The following SDK1 variants were observed in gnomAD, a reference collection of about 807,000 sequenced individuals.
The protein encoded by SDK1 is sidekick cell adhesion molecule 1.
A neutral mutation model predicts 245.5 loss-of-function variants in SDK1; 157 were observed. That is an observed-to-expected ratio of 0.64 (90% CI 0.56 to 0.73). SDK1 has a LOEUF of 0.73. Ranked by LOEUF, SDK1 falls within the 30% of genes least tolerant of loss-of-function variation. The pLI is 0.00. For missense variants in SDK1, 3,583 were observed against 3,002.3 expected (o/e 1.19, Z -4.52); for synonymous variants, 1,647 against 1,278.5 (o/e 1.29, Z -6.15).
chr7:3,345,001 A>G (rs1256749766), intron 1 of SDK1, among the ~76,000 whole-genome samples: 2 of 152,200 alleles, frequency 1.3e-5, no homozygotes, highest in African/African-American at 4.8e-5. Context: ...AATAGTACCC[A>G]TCTGATTATG....
At chr7:3,982,472 A>G (rs1257387224) in intron 13 of SDK1, among the ~76,000 whole-genome samples, 1 of 152,208 alleles carries the variant, frequency 6.6e-6, no homozygotes, top group Non-Finnish European at 1.5e-5. Context: ...GCCATGGATG[A>G]TAATTCCTCT....
At chr7:3,815,607 A>G (rs1175016062) in intron 4 of SDK1, among the ~76,000 whole-genome samples, 1 of 149,470 alleles carries the variant, frequency 6.7e-6, no homozygotes, top group Non-Finnish European at 1.5e-5. Flanking sequence ...CGGCTTTGGT[A>G]TCAGAATGAT....
intron 14 of SDK1, among the ~76,000 whole-genome samples, chr7:4,009,602 T>C (rs1785774730): frequency 6.6e-6 from 1 of 152,250 alleles, no homozygotes; most frequent in African/African-American, 2.4e-5. Context: ...AACGCTGAAA[T>C]GCCCAGCTGG....
rs1562539 is a variant in SDK1 at position 4,268,441 on chromosome 7, A to C, written c.*3057A>C. ...CAGCCTCGCCTTCAGCCTCTCTCCC[A>C]GCCTGCTTTTATAAGGCGCACTTCA... is the stretch of plus-strand genomic sequence containing the variant. On this transcript the variant is annotated 3_prime_UTR_variant, in exon 45 of 45. Coordinates refer to ENST00000404826, the MANE Select transcript of SDK1 (RefSeq NM_152744.4). The C allele has an allele frequency of 8.0e-6, 9 of 1,130,138 alleles. 1 individual carries two copies. In the South Asian group the frequency reaches 1.7e-4, roughly 21 times the overall value. 70.0% of individuals were successfully genotyped at this position (1,130,138 alleles called of 1,614,324 possible).
intron 5 of SDK1, among the ~76,000 whole-genome samples, chr7:3,827,170 A>T (rs7795259): frequency 1.8e-5 from 2 of 109,990 alleles, no homozygotes; most frequent in Non-Finnish European, 4.0e-5. Context: ...TTGAACACAT[A>T]TGGGGGAAGC....
At chr7:4,141,929 G>A (rs1233103608) in intron 28 of SDK1, among the ~76,000 whole-genome samples, 1 of 152,134 alleles carries the variant, frequency 6.6e-6, no homozygotes, top group Admixed American at 6.5e-5. Flanking sequence ...GCTAATTTTT[G>A]TATTTTTAGT....
Position 4,265,658 on chromosome 7 carries a change from T to G in SDK1, c.*274T>G. 8.1e-7 allele frequency: 1 copy of G among 1,231,282 alleles called. No individual in the cohort carries two copies. The highest frequency in any genetic ancestry group is 1.0e-6 in the Non-Finnish European group (1 of 989,628). The allele number at this position is 1,231,282 out of a possible 1,614,324, so 76.3% of individuals were successfully genotyped here. A position where few individuals can be genotyped will look rare whatever the true frequency, so the allele number is the denominator to read the frequency against. ...TTCACTGGTGCAATGGCTTGGCACCTCCGGGGCCTGGGAGGACCTCAGACC... is the reference window on the plus strand; with the variant it reads ...TTCACTGGTGCAATGGCTTGGCACCGCCGGGGCCTGGGAGGACCTCAGACC... On this transcript the variant is annotated 3_prime_UTR_variant, in exon 45 of 45. Transcript: ENST00000404826.
At chr7:3,680,978 G>C (rs1261553653) in intron 4 of SDK1, among the ~76,000 whole-genome samples, 2 of 152,114 alleles carry the variant, frequency 1.3e-5, no homozygotes, top group African/African-American at 4.8e-5. Context: ...GAGTAGCTGG[G>C]ACTACAGGTG....
intron 1 of SDK1, among the ~76,000 whole-genome samples, chr7:3,351,845 G>T (rs79437600): frequency 6.6e-6 from 1 of 152,100 alleles, no homozygotes; most frequent in Non-Finnish European, 1.5e-5. Context: ...GAAATCTTAG[G>T]ATATGGAAGA....
intron 1 of SDK1, among the ~76,000 whole-genome samples, chr7:3,376,102 T>C (rs1781349039): frequency 6.6e-6 from 1 of 151,870 alleles, no homozygotes; most frequent in African/African-American, 2.4e-5. Flanking sequence ...GAGGCTGAGG[T>C]AGGAGGATTG....
rs138263098 is a variant in SDK1 at position 3,683,914 on chromosome 7, G to A, written c.713+41809G>A. Reference sequence around the variant, plus strand: ...ATTGTGGCCTAGTAACAAAAAATGTGTTGGCCACTCCTGTCCCAATGCAGC... The same window carrying A: ...ATTGTGGCCTAGTAACAAAAAATGTATTGGCCACTCCTGTCCCAATGCAGC... On this transcript the variant is annotated intron_variant, in intron 4 of 44. Coordinates refer to ENST00000404826, the MANE Select transcript of SDK1 (RefSeq NM_152744.4). 4.0e-3 allele frequency among the ~76,000 whole-genome samples: 602 copies of A among 152,324 alleles called. 2 individuals carry two copies. The highest frequency in any genetic ancestry group is 0.013 in the African/African-American group (560 of 41,570).
chr7:3,415,746 A>T (rs1489741723), intron 1 of SDK1, among the ~76,000 whole-genome samples: 2 of 150,962 alleles, frequency 1.3e-5, no homozygotes, highest in Non-Finnish European at 2.9e-5. Context: ...TTCATATACA[A>T]ATCATTTCTG....
At chr7:3,385,049 A>C (rs1329015022) in intron 1 of SDK1, among the ~76,000 whole-genome samples, 2 of 152,144 alleles carry the variant, frequency 1.3e-5, no homozygotes, top group Non-Finnish European at 2.9e-5. Context: ...CATCAAACAC[A>C]AACAGTTTGT....
chr7:3,770,373 C>T (rs532605524), intron 4 of SDK1, among the ~76,000 whole-genome samples: 233 of 152,252 alleles, frequency 1.5e-3, no homozygotes, highest in East Asian at 2.3e-3. Context: ...TATTGAAGGA[C>T]ACCTGGGATA....
intron 4 of SDK1, among the ~76,000 whole-genome samples, chr7:3,756,048 A>G (rs1230026598): frequency 6.7e-6 from 1 of 149,680 alleles, no homozygotes; most frequent in East Asian, 2.0e-4. Context: ...TGACATATGT[A>G]TATCGTGGTT....
chr7:3,565,110 T>A (rs1260180463), intron 1 of SDK1, among the ~76,000 whole-genome samples: 1 of 151,990 alleles, frequency 6.6e-6, no homozygotes. Context: ...TTATTACTTT[T>A]TTTTTTTTTT....
chr7:4,153,463 G>A (rs1266455285), intron 30 of SDK1, among the ~76,000 whole-genome samples: 1 of 152,150 alleles, frequency 6.6e-6, no homozygotes, highest in Admixed American at 6.5e-5. Flanking sequence ...GCATGTGCCT[G>A]TAATCCCAGC....
intron 35 of SDK1, among the ~76,000 whole-genome samples, chr7:4,197,541 G>A (rs1783654815): frequency 6.6e-6 from 1 of 152,206 alleles, no homozygotes; most frequent in Admixed American, 6.5e-5. Flanking sequence ...AAGAATGGAT[G>A]CTTCGCGGTC....
chr7:3,578,165 G>C (rs1000260036), intron 1 of SDK1, among the ~76,000 whole-genome samples: 1 of 151,976 alleles, frequency 6.6e-6, no homozygotes, highest in Non-Finnish European at 1.5e-5. Flanking sequence ...TACAAAGAGA[G>C]GAATTTTACA....
Sources: allele counts gnomAD v4.1 joint callset (sites outside exome capture counted in the v4.1 genomes callset), GRCh38; gene constraint gnomAD v4.1.1; transcripts MANE v1.5; gene names NCBI Gene and HGNC (gene_info 2026-07-23, HGNC 2026-07-21).